The following CCSER1 variants were observed in gnomAD, a reference collection of about 807,000 sequenced individuals.
CCSER1 encodes serine-rich coiled-coil domain-containing protein 1.
CCSER1 carries 41 observed loss-of-function variants against 82.0 expected under a neutral mutation model. That is an observed-to-expected ratio of 0.50 (90% CI 0.39 to 0.65). The LOEUF is 0.65. Ranked by LOEUF, CCSER1 falls within the 30% of genes least tolerant of loss-of-function variation. The probability of loss-of-function intolerance (pLI) is 0.00; values close to 1 mark genes in which losing one functional copy is unlikely to be tolerated. For synonymous variants in CCSER1, 414 were observed against 383.9 expected (o/e 1.08, Z -0.92); for missense variants, 1,119 against 1,064.2 (o/e 1.05, Z -0.72).
intron 8 of CCSER1, among the ~76,000 whole-genome samples, chr4:90,892,635 G>A (rs1234560625): frequency 2.0e-5 from 3 of 151,578 alleles, no homozygotes; most frequent in Non-Finnish European, 1.5e-5. Flanking sequence ...CCATATCCTG[G>A]ACTTCCTAAT....
chr4:90,535,869 C>G (rs910107490), intron 5 of CCSER1, among the ~76,000 whole-genome samples: 1 of 152,006 alleles, frequency 6.6e-6, no homozygotes, highest in African/African-American at 2.4e-5. Context: ...TTGACTTGAG[C>G]AAATCCTATT....
chr4:90,803,147 A>T (rs1757043169), intron 7 of CCSER1, among the ~76,000 whole-genome samples: 1 of 152,100 alleles, frequency 6.6e-6, no homozygotes, highest in Non-Finnish European at 1.5e-5. Context: ...TACTGGAGGA[A>T]TTATTGGGAG....
At chr4:91,533,653 G>T (rs1460938130) in intron 10 of CCSER1, among the ~76,000 whole-genome samples, 1 of 151,952 alleles carries the variant, frequency 6.6e-6, no homozygotes, top group Non-Finnish European at 1.5e-5. Context: ...ATAAATTGCT[G>T]GGGACTTAAA....
intron 3 of CCSER1, among the ~76,000 whole-genome samples, chr4:90,352,680 A>G (rs994414127): frequency 4.6e-5 from 7 of 151,486 alleles, no homozygotes; most frequent in African/African-American, 1.7e-4. Flanking sequence ...AAAAAAACAT[A>G]TATGTATATA....
intron 10 of CCSER1, among the ~76,000 whole-genome samples, chr4:91,576,790 A>G (rs182618563): frequency 6.4e-4 from 98 of 152,070 alleles, no homozygotes; most frequent in Admixed American, 6.0e-3. Flanking sequence ...GTAACACCAC[A>G]TCAGTGCTCA....
intron 1 of CCSER1, among the ~76,000 whole-genome samples, chr4:90,250,416 G>T (rs1253409154): frequency 6.6e-6 from 1 of 152,030 alleles, no homozygotes; most frequent in Non-Finnish European, 1.5e-5. Flanking sequence ...TGCAGGAAAA[G>T]AAGTTAAACT....
At chr4:90,382,903 T>G (rs1023424324) in intron 3 of CCSER1, among the ~76,000 whole-genome samples, 1 of 152,160 alleles carries the variant, frequency 6.6e-6, no homozygotes, top group Admixed American at 6.5e-5. Flanking sequence ...ATTGCACACT[T>G]CAACACCGTG....
At chr4:90,419,282 CT>C (rs1309863495) in intron 4 of CCSER1, among the ~76,000 whole-genome samples, 1 of 151,918 alleles carries the variant, frequency 6.6e-6, no homozygotes, top group African/African-American at 2.4e-5. Context: ...CTGTTATCTG[CT>C]TGGTTGCCAT....
At chr4:91,094,785 GAA>G (rs1724335056) in intron 10 of CCSER1, among the ~76,000 whole-genome samples, 1 of 152,102 alleles carries the variant, frequency 6.6e-6, no homozygotes, top group South Asian at 2.1e-4. Context: ...GGCTCGGTTA[GAA>G]AAAGTCTCCA....
chr4:90,780,515 T>G (rs751281837), intron 7 of CCSER1: 1 of 1,608,868 alleles, frequency 6.2e-7, no homozygotes, highest in Non-Finnish European at 8.5e-7. Context: ...GCCTAGATGA[T>G]CCACCATGAC....
chr4:90,851,080 A>C (rs542953530), intron 8 of CCSER1, among the ~76,000 whole-genome samples: 3 of 152,218 alleles, frequency 2.0e-5, no homozygotes, highest in South Asian at 4.2e-4. Context: ...TCTTTCTTCT[A>C]CTGCCCTGTG....
At chr4:91,580,646 C>T (rs1448526271) in intron 10 of CCSER1, among the ~76,000 whole-genome samples, 1 of 151,626 alleles carries the variant, frequency 6.6e-6, no homozygotes, top group East Asian at 1.9e-4. Flanking sequence ...CATTTTAAAA[C>T]CCCTGTGATG....
At chr4:91,260,663 A>G (rs148993399) in intron 10 of CCSER1, among the ~76,000 whole-genome samples, 1 of 152,244 alleles carries the variant, frequency 6.6e-6, no homozygotes, top group Non-Finnish European at 1.5e-5. Flanking sequence ...AAGACTCTAA[A>G]GAGTGATATA....
chr4:91,520,421 T>G (rs563886497), intron 10 of CCSER1, among the ~76,000 whole-genome samples: 1 of 151,934 alleles, frequency 6.6e-6, no homozygotes, highest in Non-Finnish European at 1.5e-5. Flanking sequence ...TTCAATATAG[T>G]TTTTTCCCTA....
chr4:91,338,492 A>G (rs570581197), intron 10 of CCSER1, among the ~76,000 whole-genome samples: 2 of 152,282 alleles, frequency 1.3e-5, no homozygotes, highest in Admixed American at 1.3e-4. Flanking sequence ...GAGGGCAATG[A>G]AAAATGAAAA....
In CCSER1 at chr4:91,086,057, T is replaced by C. The variant is rs562368682; in HGVS notation, c.2217+63T>C. ...AAACATGGCTATGGTGTTGCAGTGA[T>C]GTGGTGATGGTGATTGACGATAATT... On this transcript the variant is annotated intron_variant, in intron 10 of 10. Coordinates refer to ENST00000509176, the MANE Select transcript of CCSER1 (RefSeq NM_001145065.2). 4.6e-5 allele frequency: 45 copies of C among 971,448 alleles called. No individual in the cohort carries two copies. In the South Asian group the frequency reaches 6.2e-4, roughly 13 times the overall value. 60.2% of individuals were successfully genotyped at this position (971,448 alleles called of 1,614,324 possible).
chr4:91,498,602 GTTTA>G (rs1389685605), intron 10 of CCSER1, among the ~76,000 whole-genome samples: 2 of 150,942 alleles, frequency 1.3e-5, no homozygotes, highest in Admixed American at 6.6e-5. Flanking sequence ...TAATTAATAG[GTTTA>G]TTTATCTAAA....
intron 5 of CCSER1, among the ~76,000 whole-genome samples, chr4:90,495,762 A>C (rs1768893745): frequency 6.6e-6 from 1 of 152,210 alleles, no homozygotes; most frequent in Admixed American, 6.5e-5. Context: ...GATCCAATAC[A>C]TTAAATAAGA....
intron 4 of CCSER1, among the ~76,000 whole-genome samples, chr4:90,410,101 C>T (rs919027240): frequency 6.6e-6 from 1 of 152,136 alleles, no homozygotes; most frequent in Non-Finnish European, 1.5e-5. Context: ...TATGCATGCA[C>T]CCATTACAGG....
Sources: allele counts gnomAD v4.1 joint callset (sites outside exome capture counted in the v4.1 genomes callset), GRCh38; gene constraint gnomAD v4.1.1; transcripts MANE v1.5; gene names NCBI Gene and HGNC (gene_info 2026-07-23, HGNC 2026-07-21).